The following KIAA1671 variants were observed in gnomAD, a reference collection of about 807,000 sequenced individuals.
KIAA1671 encodes the protein uncharacterized protein KIAA1671.
In KIAA1671, 52 loss-of-function variants were observed where a neutral mutation model predicts 131.2. The ratio of observed to expected loss-of-function variants is 0.40; its 90% CI spans 0.32 to 0.50. The LOEUF is 0.50. KIAA1671 is among the 20% of genes least tolerant of loss of function. The pLI is 0.73. For missense variants in KIAA1671, 2,360 were observed against 2,364.2 expected, an observed-to-expected ratio of 1.00 and a Z score of 0.04; for synonymous variants, 1,003 against 961.6, an observed-to-expected ratio of 1.04 and a Z score of -0.80.
At chr22:25,043,874 C>A (rs1927077019) in intron 5 of KIAA1671, among the ~76,000 whole-genome samples, 2 of 152,200 alleles carry the variant, frequency 1.3e-5, no homozygotes, top group Non-Finnish European at 2.9e-5. Context: ...GCCACAGATT[C>A]TTCCTTTGCC....
At chr22:25,021,003 C>A (rs1925638022) in intron 1 of KIAA1671, among the ~76,000 whole-genome samples, 1 of 152,112 alleles carries the variant, frequency 6.6e-6, no homozygotes, top group Non-Finnish European at 1.5e-5. Context: ...ACACCCCTGG[C>A]TACTGCTAGG....
intron 9 of KIAA1671, chr22:25,179,319 A>G: frequency 6.3e-7 from 1 of 1,586,434 alleles, no homozygotes; most frequent in Non-Finnish European, 8.6e-7. Context: ...TTAGCCCGAC[A>G]TCTCCTCTCG....
At chr22:24,979,170 ATTTTTTT>A (rs71191010) in intron 1 of KIAA1671, among the ~76,000 whole-genome samples, 37 of 81,702 alleles carry the variant, frequency 4.5e-4, no homozygotes, top group Middle Eastern at 0.011. Flanking sequence ...TAATTTTTGT[ATTTTTTT>A]TTTTTTTTTT....
At chr22:25,121,000 C>T (rs1931911150) in intron 6 of KIAA1671, among the ~76,000 whole-genome samples, 1 of 152,126 alleles carries the variant, frequency 6.6e-6, no homozygotes, top group Non-Finnish European at 1.5e-5. Context: ...CAGAAGGCCC[C>T]TTTGTTACTC....
chr22:25,047,145 T>C (rs962528386), intron 5 of KIAA1671, among the ~76,000 whole-genome samples: 1 of 120,678 alleles, frequency 8.3e-6, no homozygotes, highest in Non-Finnish European at 1.6e-5. Context: ...TAATTTTTTT[T>C]CTTTTCTTTT....
chr22:25,139,454 T>G (rs551269263), intron 6 of KIAA1671, among the ~76,000 whole-genome samples: 24 of 152,332 alleles, frequency 1.6e-4, no homozygotes, highest in African/African-American at 4.8e-4. Context: ...TGACCTTGAG[T>G]AAATCACGTG....
At chr22:24,961,265 G>C (rs1042956669) in intron 1 of KIAA1671, among the ~76,000 whole-genome samples, 3 of 152,176 alleles carry the variant, frequency 2.0e-5, no homozygotes, top group Non-Finnish European at 4.4e-5. Flanking sequence ...AAAGTGGTAG[G>C]ATTGCAGATG....
intron 1 of KIAA1671, among the ~76,000 whole-genome samples, chr22:24,991,244 A>T (rs978407946): frequency 1.9e-4 from 28 of 151,110 alleles, no homozygotes; most frequent in African/African-American, 6.6e-4. Context: ...GCTGGTCACG[A>T]ACTCCTGACT....
intron 6 of KIAA1671, among the ~76,000 whole-genome samples, chr22:25,082,557 G>A (rs1242729269): frequency 6.6e-6 from 1 of 152,234 alleles, no homozygotes; most frequent in Non-Finnish European, 1.5e-5. Flanking sequence ...TGTTGGCCAG[G>A]CCTGGTGGCT....
chr22:25,177,278 A>C (rs1328994718), intron 8 of KIAA1671, 70 bp from the exon 9 acceptor site: 4 of 1,420,134 alleles, frequency 2.8e-6, no homozygotes, highest in East Asian at 5.0e-5. Flanking sequence ...TGTACCGCCA[A>C]CTGTGTTGTG....
chr22:25,133,338 G>A (rs1932529366), intron 6 of KIAA1671, among the ~76,000 whole-genome samples: 1 of 152,150 alleles, frequency 6.6e-6, no homozygotes, highest in Non-Finnish European at 1.5e-5. Flanking sequence ...GGAGAAATGT[G>A]CCTCTAACTG....
At chr22:25,090,527 T>C (rs1929974527) in intron 6 of KIAA1671, among the ~76,000 whole-genome samples, 2 of 152,252 alleles carry the variant, frequency 1.3e-5, no homozygotes, top group Admixed American at 1.3e-4. Context: ...CTTTAGAACA[T>C]AGGCAGTCCT....
intron 6 of KIAA1671, among the ~76,000 whole-genome samples, chr22:25,065,829 C>T (rs956933065): frequency 5.3e-5 from 8 of 151,818 alleles, no homozygotes; most frequent in Admixed American, 2.6e-4. Context: ...TTAGTAGAGA[C>T]GGGGTTTCAA....
At chr22:25,183,028 C>T (rs773454623) in intron 10 of KIAA1671, among the ~76,000 whole-genome samples, 14 of 152,310 alleles carry the variant, frequency 9.2e-5, no homozygotes, top group Middle Eastern at 3.4e-3. Flanking sequence ...AGTCCTGGAA[C>T]CAAATGGCAC....
intron 6 of KIAA1671, among the ~76,000 whole-genome samples, chr22:25,123,500 G>A (rs1470896727): frequency 6.6e-6 from 1 of 152,112 alleles, no homozygotes; most frequent in African/African-American, 2.4e-5. Context: ...CTGAGATGAG[G>A]TTTCAAAAGA....
intron 8 of KIAA1671, 89 bp from the exon 9 acceptor site, chr22:25,177,259 A>T: frequency 7.8e-7 from 1 of 1,282,624 alleles, no homozygotes; most frequent in Non-Finnish European, 1.1e-6. Flanking sequence ...TCATCTGTCA[A>T]CGAAGCTGTG....
At chr22:25,150,982 G>A (rs5760881) in intron 6 of KIAA1671, among the ~76,000 whole-genome samples, 16,072 of 151,732 alleles carry the variant, frequency 0.11, 923 homozygotes, top group East Asian at 0.16. Flanking sequence ...ACAGGCACCC[G>A]CCTCCACGCC....
intron 6 of KIAA1671, chr22:25,070,021 G>A (rs532588546): frequency 1.3e-4 from 30 of 238,256 alleles, no homozygotes; most frequent in East Asian, 6.5e-4. Flanking sequence ...CCTTCTTGCC[G>A]TACAACTGAA....
chr22:25,076,564 G>T (rs1929119392), intron 6 of KIAA1671, among the ~76,000 whole-genome samples: 1 of 152,164 alleles, frequency 6.6e-6, no homozygotes, highest in Admixed American at 6.5e-5. Context: ...TGGGGAGAGA[G>T]ATTAAGTTTC....
Sources: gnomAD v4.1 joint callset for allele counts (sites outside exome capture counted in the v4.1 genomes callset) on GRCh38, gnomAD v4.1.1 for gene constraint, MANE v1.5 for transcripts, NCBI Gene and HGNC (gene_info 2026-07-23, HGNC 2026-07-21) for gene names.